NAALADL2: variants seen among roughly 807,000 people sequenced by gnomAD.
NAALADL2 encodes the protein N-acetylated alpha-linked acidic dipeptidase like 2.
NAALADL2 carries 76 observed loss-of-function variants against 87.2 expected under a neutral mutation model. That is an observed-to-expected ratio of 0.87 (90% CI 0.72 to 1.05). NAALADL2 has a LOEUF of 1.05. Ranked by LOEUF, NAALADL2 falls within the 50% of genes least tolerant of loss-of-function variation. The pLI is 0.00. For synonymous variants in NAALADL2, 354 were observed against 331.0 expected (o/e 1.07, Z -0.75); for missense variants, 1,089 against 945.8 (o/e 1.15, Z -1.99).
At chr3:174,659,405 G>T (rs938441090) in intron 2 of NAALADL2, among the ~76,000 whole-genome samples, 2 of 152,132 alleles carry the variant, frequency 1.3e-5, no homozygotes, top group African/African-American at 2.4e-5. Flanking sequence ...TCTTTGCTAC[G>T]TGTATTTGAA....
intron 13 of NAALADL2, among the ~76,000 whole-genome samples, chr3:175,798,314 GA>G (rs34232706): frequency 6.6e-6 from 1 of 151,894 alleles, no homozygotes; most frequent in Non-Finnish European, 1.5e-5. Context: ...AAATGATGAT[GA>G]AAAAATCTCA....
intron 2 of NAALADL2, among the ~76,000 whole-genome samples, chr3:174,709,909 A>G (rs1005567653): frequency 2.0e-5 from 3 of 152,212 alleles, no homozygotes; most frequent in Non-Finnish European, 4.4e-5. Context: ...TCACAAATTG[A>G]ATGTGACTAA....
intron 13 of NAALADL2, among the ~76,000 whole-genome samples, chr3:175,790,261 A>G (rs952049219): frequency 1.3e-5 from 2 of 152,070 alleles, no homozygotes; most frequent in African/African-American, 4.8e-5. Context: ...GTAATGACAG[A>G]TCTCTTTCTT....
chr3:174,474,517 T>C (rs958257028), intron 1 of NAALADL2, among the ~76,000 whole-genome samples: 1 of 152,160 alleles, frequency 6.6e-6, no homozygotes, highest in Non-Finnish European at 1.5e-5. Context: ...TAACCTTAAC[T>C]ATAAGGGGAG....
At chr3:174,482,005 T>C (rs1717582903) in intron 1 of NAALADL2, among the ~76,000 whole-genome samples, 1 of 152,046 alleles carries the variant, frequency 6.6e-6, no homozygotes, top group Non-Finnish European at 1.5e-5. Flanking sequence ...TATTAGGGAA[T>C]GGGGGAACCC....
chr3:175,718,641 T>C, intron 11 of NAALADL2: 1 of 1,588,872 alleles, frequency 6.3e-7, no homozygotes, highest in Admixed American at 1.7e-5. Context: ...CGAGGGACTT[T>C]TACTCCCGAG....
At chr3:175,378,111 G>A (rs1466870324) in intron 5 of NAALADL2, among the ~76,000 whole-genome samples, 2 of 152,152 alleles carry the variant, frequency 1.3e-5, no homozygotes, top group African/African-American at 4.8e-5. Context: ...ACTCCCTCTG[G>A]GGCTTCAGGG....
intron 1 of NAALADL2, among the ~76,000 whole-genome samples, chr3:174,547,366 G>T (rs1443671643): frequency 6.6e-6 from 1 of 152,088 alleles, no homozygotes; most frequent in African/African-American, 2.4e-5. Context: ...ATAAGGTATT[G>T]ATTGCTTATA....
chr3:174,761,010 T>C (rs963486934), intron 3 of NAALADL2, among the ~76,000 whole-genome samples: 3 of 152,194 alleles, frequency 2.0e-5, no homozygotes, highest in African/African-American at 7.2e-5. Context: ...CAAGGATTAT[T>C]CACAGGCCCA....
chr3:174,994,364 C>A (rs1157053417), intron 1 of NAALADL2, among the ~76,000 whole-genome samples: 16 of 152,188 alleles, frequency 1.1e-4, no homozygotes. Context: ...AGCCACAGTT[C>A]ACTTACTATT....
chr3:174,771,782 T>C (rs1203520586), intron 3 of NAALADL2, among the ~76,000 whole-genome samples: 1 of 152,150 alleles, frequency 6.6e-6, no homozygotes, highest in Non-Finnish European at 1.5e-5. Context: ...GAATACAAGG[T>C]AATCAAACTC....
At chr3:175,372,698 G>A (rs1014423209) in intron 5 of NAALADL2, among the ~76,000 whole-genome samples, 6 of 152,170 alleles carry the variant, frequency 3.9e-5, no homozygotes, top group Admixed American at 2.6e-4. Flanking sequence ...ACCTGGGCAC[G>A]TTGCCATACT....
intron 13 of NAALADL2, among the ~76,000 whole-genome samples, chr3:175,790,017 T>A (rs1244997596): frequency 6.6e-6 from 1 of 152,146 alleles, no homozygotes; most frequent in South Asian, 2.1e-4. Context: ...TATTTAGTTA[T>A]CTCAGATTTC....
In NAALADL2 at chr3:174,811,912, C is replaced by G. The variant is rs529799937; in HGVS notation, c.-9+74166C>G. 3.9e-5 allele frequency among the ~76,000 whole-genome samples: 6 copies of G among 152,178 alleles called. No individual in the cohort carries two copies. The East Asian group carries it at 1.2e-3, about 29-fold the overall frequency. The stretch of plus-strand genomic sequence containing the variant: ...TTAGCACCATCCATTTGTTGTTGTT[C>G]TTGTGATAGAGTTCTTATGAAATCT... On this transcript the variant is annotated intron_variant, in intron 3 of 3. Coordinates refer to the NAALADL2 transcript ENST00000434257.
intron 1 of NAALADL2, among the ~76,000 whole-genome samples, chr3:174,895,300 CAGAG>C (rs147856387): frequency 0.089 from 13,428 of 151,182 alleles, 645 homozygotes; most frequent in Middle Eastern, 0.11. Flanking sequence ...TTAAGAAAAA[CAGAG>C]AGAAGATCTA....
At chr3:175,020,429 ATG>A (rs1262257844) in intron 1 of NAALADL2, among the ~76,000 whole-genome samples, 2 of 152,052 alleles carry the variant, frequency 1.3e-5, no homozygotes, top group Non-Finnish European at 2.9e-5. Context: ...GCATTTGAAA[ATG>A]TATCATTGTC....
intron 5 of NAALADL2, among the ~76,000 whole-genome samples, chr3:175,342,595 C>A (rs991882110): frequency 5.3e-5 from 8 of 151,900 alleles, no homozygotes; most frequent in African/African-American, 1.9e-4. Context: ...TCCGGAGGTG[C>A]TCTGGATATT....
chr3:174,534,272 C>T (rs1721515804), intron 1 of NAALADL2, among the ~76,000 whole-genome samples: 1 of 151,842 alleles, frequency 6.6e-6, no homozygotes, highest in Admixed American at 6.6e-5. Context: ...TGGTTTAATT[C>T]ATAAATATTT....
chr3:174,711,047 A>G (rs557933005), intron 2 of NAALADL2, among the ~76,000 whole-genome samples: 14 of 152,280 alleles, frequency 9.2e-5, no homozygotes, highest in Admixed American at 2.6e-4. Flanking sequence ...GCAATTTATA[A>G]GAGTTCTGGC....
Sources: allele counts gnomAD v4.1 joint callset (sites outside exome capture counted in the v4.1 genomes callset), GRCh38; gene constraint gnomAD v4.1.1; transcripts MANE v1.5; gene names NCBI Gene and HGNC (gene_info 2026-07-23, HGNC 2026-07-21).